The following EDAR variants were observed in gnomAD, a reference collection of about 807,000 sequenced individuals.
EDAR encodes tumor necrosis factor receptor superfamily member EDAR.
EDAR carries 38 observed loss-of-function variants against 51.3 expected under a neutral mutation model. The ratio of observed to expected loss-of-function variants is 0.74; its 90% CI spans 0.57 to 0.97. EDAR has a LOEUF of 0.97. Ranked by LOEUF, EDAR falls within the 50% of genes least tolerant of loss-of-function variation. The probability of loss-of-function intolerance (pLI) is 0.00; values close to 1 mark genes in which losing one functional copy is unlikely to be tolerated. For synonymous variants in EDAR, 227 were observed against 242.1 expected (o/e 0.94, Z 0.58); for missense variants, 528 against 595.0 (o/e 0.89, Z 1.17).
chr2:108,980,659 T>C (rs1698404333), intron 1 of EDAR, among the ~76,000 whole-genome samples: 1 of 152,118 alleles, frequency 6.6e-6, no homozygotes, highest in Non-Finnish European at 1.5e-5. Context: ...AGGGTTTCTC[T>C]GATAAGACGA....
intron 5 of EDAR, among the ~76,000 whole-genome samples, chr2:108,922,566 C>G (rs1054054562): frequency 7.9e-5 from 12 of 152,176 alleles, no homozygotes; most frequent in African/African-American, 2.9e-4. Context: ...GACGCAGGCT[C>G]TCCTTCTTCT....
intron 11 of EDAR, among the ~76,000 whole-genome samples, chr2:108,905,638 C>T (rs763115620): frequency 1.3e-5 from 2 of 152,188 alleles, no homozygotes; most frequent in Admixed American, 6.5e-5. Flanking sequence ...GGGAGGCCAG[C>T]GAGTCCAGCA....
At chr2:108,956,895 T>A (rs1403201590) in intron 1 of EDAR, among the ~76,000 whole-genome samples, 1 of 152,088 alleles carries the variant, frequency 6.6e-6, no homozygotes, top group Non-Finnish European at 1.5e-5. Context: ...TTCAAGCGGT[T>A]CTCCTGCCTC....
intron 1 of EDAR, among the ~76,000 whole-genome samples, chr2:108,940,495 C>G (rs1697573781): frequency 6.6e-6 from 1 of 152,278 alleles, no homozygotes; most frequent in Non-Finnish European, 1.5e-5. Flanking sequence ...TAGTGGGAAT[C>G]TCAGTGCGTG....
At chr2:108,904,310 C>A (rs1039767404) in intron 11 of EDAR, among the ~76,000 whole-genome samples, 4 of 152,154 alleles carry the variant, frequency 2.6e-5, no homozygotes, top group African/African-American at 7.2e-5. Flanking sequence ...AGTAACACCA[C>A]CAAATGCTGG....
chr2:108,950,230 TCCCTCCC>T lies in EDAR; in HGVS notation c.-18-19205_-18-19199del, dbSNP rs571257206. 9.8e-3 allele frequency among the ~76,000 whole-genome samples: 1,155 copies of T among 117,384 alleles called. 9 individuals carry two copies. Among genetic ancestry groups the T allele is most frequent in the South Asian group, 0.042 (134 of 3,194 alleles). The allele number at this position is 117,384 out of a possible 152,430, so 77.0% of individuals were successfully genotyped here. A position where few individuals can be genotyped will look rare whatever the true frequency, so the allele number is the denominator to read the frequency against. On this transcript the variant is annotated intron_variant, in intron 1 of 11. Transcript: ENST00000258443. ...CTCCCTCCCTCCCTCCCTTCCTTCC[TCCCTCCC>T]TCCTCCCTCCCTCCCTCCATTCCTT...
chr2:108,939,175 C>T (rs900557061), intron 1 of EDAR, among the ~76,000 whole-genome samples: 1 of 151,880 alleles, frequency 6.6e-6, no homozygotes, highest in African/African-American at 2.4e-5. Context: ...ACTCATCCTT[C>T]CATTTGTTGT....
At chr2:108,985,637 CAT>C (rs765241756) in intron 1 of EDAR, among the ~76,000 whole-genome samples, 14 of 152,358 alleles carry the variant, frequency 9.2e-5, no homozygotes, top group South Asian at 2.1e-4. Flanking sequence ...GCTTCACCCA[CAT>C]GTGTCTGCTC....
At chr2:108,912,002 GATTC>G (rs1208913746) in intron 6 of EDAR, among the ~76,000 whole-genome samples, 2 of 152,240 alleles carry the variant, frequency 1.3e-5, no homozygotes, top group Non-Finnish European at 2.9e-5. Context: ...GTGCAAATGA[GATTC>G]ATATATCCTC....
chr2:108,986,834 G>T (rs968318777), intron 1 of EDAR, among the ~76,000 whole-genome samples: 14 of 152,174 alleles, frequency 9.2e-5, no homozygotes, highest in Admixed American at 2.6e-4. Context: ...AGAATCGTAG[G>T]CATTGAGATG....
chr2:108,984,973 GAA>G (rs1235229310), intron 1 of EDAR, among the ~76,000 whole-genome samples: 1 of 152,240 alleles, frequency 6.6e-6, no homozygotes, highest in African/African-American at 2.4e-5. Context: ...AGTTTTAAGA[GAA>G]GAGATTTGGT....
chr2:108,953,995 T>C (rs1015766338), intron 1 of EDAR, among the ~76,000 whole-genome samples: 1 of 152,220 alleles, frequency 6.6e-6, no homozygotes, highest in African/African-American at 2.4e-5. Flanking sequence ...CTGAAAGGCA[T>C]GATAAGTCTT....
intron 1 of EDAR, among the ~76,000 whole-genome samples, chr2:108,958,309 G>A (rs1274363577): frequency 6.6e-6 from 1 of 152,112 alleles, no homozygotes. Flanking sequence ...CTGGCTGCTT[G>A]AGGTACTTCA....
At chr2:108,911,873 A>G (rs909566272) in intron 6 of EDAR, among the ~76,000 whole-genome samples, 3 of 152,248 alleles carry the variant, frequency 2.0e-5, no homozygotes, top group Admixed American at 6.5e-5. Context: ...GTGCATCTGC[A>G]GGAAAACCAG....
At chr2:108,914,556 G>T (rs769353285) in intron 5 of EDAR, among the ~76,000 whole-genome samples, 7 of 152,172 alleles carry the variant, frequency 4.6e-5, no homozygotes, top group Non-Finnish European at 8.8e-5. Context: ...TCACTAAGAC[G>T]CAACCATTCA....
chr2:108,975,128 G>A (rs1238966775), intron 1 of EDAR, among the ~76,000 whole-genome samples: 1 of 152,226 alleles, frequency 6.6e-6, no homozygotes, highest in Admixed American at 6.5e-5. Context: ...CCCTGTCTGA[G>A]GGTGCTGGGC....
intron 1 of EDAR, among the ~76,000 whole-genome samples, chr2:108,946,234 G>A (rs577200686): frequency 2.6e-5 from 4 of 152,262 alleles, no homozygotes; most frequent in Admixed American, 1.3e-4. Flanking sequence ...AGCCTCCCCC[G>A]ACTTTATCAC....
intron 1 of EDAR, among the ~76,000 whole-genome samples, chr2:108,986,790 A>T (rs1383426271): frequency 6.6e-6 from 1 of 152,234 alleles, no homozygotes; most frequent in South Asian, 2.1e-4. Flanking sequence ...CTTAAAAAAA[A>T]TTCCTTCCTG....
At chr2:108,930,830 T>C in intron 2 of EDAR, 134 bp downstream of exon 2, 1 of 1,020,948 alleles carries the variant, frequency 9.8e-7, no homozygotes, top group Admixed American at 1.8e-5. Context: ...CCTGGTTTCA[T>C]TTCACCCTCA....
Sources: allele counts gnomAD v4.1 joint callset (sites outside exome capture counted in the v4.1 genomes callset), GRCh38; gene constraint gnomAD v4.1.1; transcripts MANE v1.5; gene names NCBI Gene and HGNC (gene_info 2026-07-23, HGNC 2026-07-21).